The following NID1 variants were observed in gnomAD, a reference collection of about 807,000 sequenced individuals.
NID1 encodes nidogen 1.
NID1 carries 76 observed loss-of-function variants against 130.6 expected under a neutral mutation model. The observed-to-expected ratio is 0.58, with a 90% CI of 0.48 to 0.70. The LOEUF is 0.70. NID1 is among the 30% of genes least tolerant of loss of function. The pLI is 0.00. For missense variants in NID1, 1,517 were observed against 1,664.8 expected, an observed-to-expected ratio of 0.91 and a Z score of 1.54; for synonymous variants, 665 against 675.1, an observed-to-expected ratio of 0.98 and a Z score of 0.23.
At chr1:236,009,238 C>T (rs541387256) in intron 12 of NID1, among the ~76,000 whole-genome samples, 1 of 152,250 alleles carries the variant, frequency 6.6e-6, no homozygotes, top group South Asian at 2.1e-4. Context: ...CCCAAAGAGA[C>T]CTCTTGCCCT....
intron 14 of NID1, among the ~76,000 whole-genome samples, chr1:235,988,737 C>T (rs1367823016): frequency 1.3e-5 from 2 of 152,118 alleles, no homozygotes; most frequent in African/African-American, 4.8e-5. Context: ...AACCTGAGGA[C>T]ATTATGCTAA....
intron 5 of NID1, among the ~76,000 whole-genome samples, chr1:236,037,393 C>T (rs1177934855): frequency 1.3e-5 from 2 of 152,176 alleles, no homozygotes; most frequent in Admixed American, 6.5e-5. Context: ...CGCGCTGGCT[C>T]ACACCTGTAA....
At position 236,002,561 on chromosome 1, in the gene NID1, C is replaced by G. The variant is rs574113772; in HGVS notation, c.2528-8689G>C. ...AATGACGATAAATCTGCGGTGTGTC[C>G]AATACACCCAGCCACAGCAGCCTAG... On this transcript the variant is annotated intron_variant, in intron 12 of 19. Transcript: ENST00000264187. Among the ~76,000 whole-genome samples, 6 of 152,200 alleles carry G rather than the reference C, an allele frequency of 3.9e-5. No individual in the cohort carries two copies. The East Asian group carries it at 1.2e-3, about 29-fold the overall frequency.
intron 12 of NID1, among the ~76,000 whole-genome samples, chr1:236,000,255 G>T (rs1455970385): frequency 1.3e-5 from 2 of 151,992 alleles, no homozygotes; most frequent in Non-Finnish European, 2.9e-5. Context: ...ACAAAACCTG[G>T]CAGAACAGAC....
At position 236,032,389 on chromosome 1, in the gene NID1, G is replaced by T. The variant is rs1281165906; in HGVS notation, c.1537+12C>A. On this transcript the variant is annotated intron_variant, in intron 6 of 19. Coordinates refer to ENST00000264187, the MANE Select transcript of NID1 (RefSeq NM_002508.3). Reference sequence around the variant, plus strand: ...GTGTGACCCACTAATTTTAATGTCGGATATAAATTACCGGTGATGCTGAAC... The same window carrying T: ...GTGTGACCCACTAATTTTAATGTCGTATATAAATTACCGGTGATGCTGAAC... The T allele has an allele frequency of 3.7e-6, 6 of 1,612,586 alleles. No homozygotes were observed. The African/African-American group carries it at 4.0e-5, about 11-fold the overall frequency.
rs780491979 is a variant in NID1, at chr1:235,981,672, G to A, written c.3166C>T (p.Arg1056Trp). Residue 1056 changes from arginine (R) to tryptophan (W), a missense_variant, in exon 16 of 20, where the codon CGG becomes TGG. Physicochemically the swap from Arg to Trp is moderately radical, Grantham distance 101. Around this residue, in one of 3 missense-constraint regions of NID1, gnomAD observed 1,329 missense variants for 1,429.2 expected, o/e 0.93. Transcript: ENST00000264187. ...ACCAAGTCAGTCTCAAAGAGCACCC[G>A]GCGCTGCGTGCCGTCCAGCTTCGCC... ...EVAKLDGTQR[R>W]VLFETDLVNP... 7.4e-6 allele frequency: 12 copies of A among 1,614,054 alleles called. No individual in the cohort carries two copies. Among genetic ancestry groups the A allele is most frequent in the East Asian group, 4.5e-5 (2 of 44,900 alleles).
intron 9 of NID1, among the ~76,000 whole-genome samples, chr1:236,020,292 T>A (rs1658725643): frequency 6.6e-6 from 1 of 152,192 alleles, no homozygotes; most frequent in Non-Finnish European, 1.5e-5. Context: ...TGCTGCCTCC[T>A]TTTTGACTTT....
intron 5 of NID1, among the ~76,000 whole-genome samples, chr1:236,036,076 G>T (rs1659249636): frequency 6.6e-6 from 1 of 152,168 alleles, no homozygotes; most frequent in Non-Finnish European, 1.5e-5. Flanking sequence ...AAACTGTTCA[G>T]CATTTCAAGC....
chr1:236,055,679 A>C lies in NID1; in HGVS notation c.226-6690T>G, dbSNP rs186949464. 1.7e-3 allele frequency among the ~76,000 whole-genome samples: 258 copies of C among 152,064 alleles called. 1 individual carries two copies. Among genetic ancestry groups the C allele is most frequent in the African/African-American group, 6.0e-3 (249 of 41,482 alleles). ...CAAAAAATAAAAATAGAAAAAAAAA[A>C]CATACAACAAACCTGATTGATCTGA... On this transcript the variant is annotated intron_variant, in intron 1 of 19. Transcript: ENST00000264187.
At chr1:236,029,863 G>T in intron 6 of NID1, 113 bp from the exon 7 acceptor site, 7 of 958,348 alleles carry the variant, frequency 7.3e-6, no homozygotes, top group Non-Finnish European at 9.6e-6. Flanking sequence ...AGGTGCTTTG[G>T]TTTGGCTGTA....
chr1:235,985,348 C>A, intron 15 of NID1, 31 bp downstream of exon 15: 2 of 1,613,230 alleles, frequency 1.2e-6, no homozygotes, highest in South Asian at 2.2e-5. Context: ...GAAGCAAAAC[C>A]AAAAAGGAAA....
In NID1 at chr1:235,988,814, T is replaced by A. The variant is rs189852747; in HGVS notation, c.2928+2072A>T. Among the ~76,000 whole-genome samples, 6 of 152,148 alleles carry A rather than the reference T, an allele frequency of 3.9e-5. No homozygotes were observed. The East Asian group carries it at 1.2e-3, about 29-fold the overall frequency. On this transcript the variant is annotated intron_variant, in intron 14 of 19. Transcript: ENST00000264187. The stretch of plus-strand genomic sequence containing the variant: ...TGCTTCTAGGAGGTACCTAGAAAAG[T>A]CAAAAGTATAAGGGCAGTAAGTAGA...
Position 235,995,878 on chromosome 1 carries a change from G to A in NID1, c.2528-2006C>T, listed in dbSNP as rs566420005. 1.1e-4 allele frequency among the ~76,000 whole-genome samples: 16 copies of A among 152,276 alleles called. No homozygotes were observed. The East Asian group carries it at 2.5e-3, about 24-fold the overall frequency. On this transcript the variant is annotated intron_variant, in intron 12 of 19. Coordinates refer to ENST00000264187, the MANE Select transcript of NID1 (RefSeq NM_002508.3). ...ACATTTAGTCAAGAAGCATCTACTC[G>A]GCCAGGCACAGTGGCTCACACCTGT...
intron 12 of NID1, among the ~76,000 whole-genome samples, chr1:236,004,170 G>A (rs1252110688): frequency 6.6e-6 from 1 of 152,128 alleles, no homozygotes; most frequent in Non-Finnish European, 1.5e-5. Flanking sequence ...TGGTTAGAGA[G>A]AGAATGAGAG....
chr1:236,064,695 C>T (rs1439183214), intron 1 of NID1, 160 bp downstream of exon 1: 10 of 684,718 alleles, frequency 1.5e-5, no homozygotes, highest in Non-Finnish European at 2.5e-5. Flanking sequence ...AAGACCTTCG[C>T]GGACCCTGCA....
At chr1:236,005,493 A>G (rs1658223149) in intron 12 of NID1, among the ~76,000 whole-genome samples, 1 of 152,204 alleles carries the variant, frequency 6.6e-6, no homozygotes, top group African/African-American at 2.4e-5. Flanking sequence ...TTGACAGAAA[A>G]TTTCTTTTAC....
intron 12 of NID1, among the ~76,000 whole-genome samples, chr1:235,998,311 T>C (rs1657983341): frequency 2.0e-5 from 3 of 152,012 alleles, no homozygotes; most frequent in Admixed American, 2.0e-4. Context: ...CTAATTAATA[T>C]AAAAAACAAA....
intron 2 of NID1, among the ~76,000 whole-genome samples, chr1:236,047,871 A>T (rs914248574): frequency 1.3e-5 from 2 of 151,664 alleles, no homozygotes; most frequent in Non-Finnish European, 2.9e-5. Context: ...TACTAAAAAT[A>T]CAAAAATTAG....
rs892292084 is a variant in NID1, at chr1:236,051,754, A to G, written c.226-2765T>C. On this transcript the variant is annotated intron_variant, in intron 1 of 19. Coordinates refer to ENST00000264187, the MANE Select transcript of NID1 (RefSeq NM_002508.3). ...CTCGAGCCGCCAGAAGTTGGCAGTAAGCAGTTGGAAGTGATCACAGGGAGG... is the reference window on the plus strand; with the variant it reads ...CTCGAGCCGCCAGAAGTTGGCAGTAGGCAGTTGGAAGTGATCACAGGGAGG... Among the ~76,000 whole-genome samples the G allele has an allele frequency of 3.3e-5, 5 of 152,370 alleles. No individual in the cohort carries two copies. In the South Asian group the frequency reaches 8.3e-4, roughly 25 times the overall value.
Sources: allele counts gnomAD v4.1 joint callset (sites outside exome capture counted in the v4.1 genomes callset), GRCh38; gene constraint gnomAD v4.1.1; regional missense constraint gnomAD v4.1.1; transcripts MANE v1.5; gene names NCBI Gene and HGNC (gene_info 2026-07-23, HGNC 2026-07-21).